The following WWOX variants were observed in gnomAD, a reference collection of about 807,000 sequenced individuals.
WWOX encodes the protein WW domain containing oxidoreductase.
In WWOX, 69 loss-of-function variants were observed where a neutral mutation model predicts 46.2. The ratio of observed to expected loss-of-function variants is 1.49; its 90% CI spans 1.23 to 1.82. WWOX has a LOEUF of 1.82. WWOX is among the 40% of genes most tolerant of loss of function. WWOX has a pLI of 0.00. For missense variants in WWOX, 919 were observed against 542.6 expected, an observed-to-expected ratio of 1.69 and a Z score of -6.89; for synonymous variants, 359 against 202.6, an observed-to-expected ratio of 1.77 and a Z score of -6.56.
chr16:78,665,511 C>G (rs1280629895), intron 8 of WWOX, among the ~76,000 whole-genome samples: 1 of 152,026 alleles, frequency 6.6e-6, no homozygotes, highest in African/African-American at 2.4e-5. Context: ...AGACGTGTGT[C>G]TCCTTGAGGC....
intron 8 of WWOX, among the ~76,000 whole-genome samples, chr16:78,865,821 A>G (rs1325557681): frequency 6.6e-6 from 1 of 152,310 alleles, no homozygotes; most frequent in East Asian, 1.9e-4. Context: ...CAGAGTTTGC[A>G]GTGAGCCAGA....
intron 8 of WWOX, among the ~76,000 whole-genome samples, chr16:78,599,939 T>TG (rs929893916): frequency 6.6e-6 from 1 of 152,158 alleles, no homozygotes; most frequent in African/African-American, 2.4e-5. Context: ...GTTTCCTTGC[T>TG]GTTGATAAAC....
intron 8 of WWOX, among the ~76,000 whole-genome samples, chr16:78,536,370 C>T (rs543040134): frequency 1.3e-5 from 2 of 151,852 alleles, no homozygotes; most frequent in South Asian, 4.2e-4. Flanking sequence ...AAAGAAGCTG[C>T]GAGCTGTGGG....
At chr16:79,080,503 C>T (rs2048740940) in intron 8 of WWOX, among the ~76,000 whole-genome samples, 1 of 152,224 alleles carries the variant, frequency 6.6e-6, no homozygotes, top group African/African-American at 2.4e-5. Context: ...CTCCTCTTTG[C>T]ACGTTGCAGA....
At chr16:78,909,452 A>C (rs532514175) in intron 8 of WWOX, among the ~76,000 whole-genome samples, 2 of 152,204 alleles carry the variant, frequency 1.3e-5, no homozygotes, top group African/African-American at 4.8e-5. Flanking sequence ...ATGCTATTAC[A>C]CAAGTGTCAA....
chr16:78,619,460 C>T (rs184583115), intron 8 of WWOX, among the ~76,000 whole-genome samples: 10 of 150,798 alleles, frequency 6.6e-5, no homozygotes, highest in Admixed American at 1.3e-4. Context: ...ATGGGTGACC[C>T]GCACCCACAT....
intron 8 of WWOX, among the ~76,000 whole-genome samples, chr16:78,851,261 G>C (rs1346077370): frequency 6.6e-6 from 1 of 152,118 alleles, no homozygotes; most frequent in Non-Finnish European, 1.5e-5. Context: ...TGTAAACCCA[G>C]GGTCATAAAC....
At chr16:78,715,176 A>C (rs796871508) in intron 8 of WWOX, among the ~76,000 whole-genome samples, 22 of 152,320 alleles carry the variant, frequency 1.4e-4, no homozygotes, top group African/African-American at 5.3e-4. Flanking sequence ...GATCAGTTAG[A>C]AGATTTATCA....
In WWOX at chr16:79,128,339, T is replaced by TA. The variant is rs5818202; in HGVS notation, c.1057-83259dup. On this transcript the variant is annotated intron_variant, in intron 8 of 8. Coordinates refer to ENST00000566780, the MANE Select transcript of WWOX (RefSeq NM_016373.4). Reference sequence around the variant, plus strand: ...ACAACGTCCCCTAATAGCTAAGAGTTAAAAAAAAAATAGGTCTTAGAAGTG... The same window carrying TA: ...ACAACGTCCCCTAATAGCTAAGAGTTAAAAAAAAAAATAGGTCTTAGAAGTG... Among the ~76,000 whole-genome samples the TA allele has an allele frequency of 5.4e-4, 80 of 148,188 alleles. 1 individual carries two copies. The highest frequency in any genetic ancestry group is 2.2e-3 in the East Asian group (11 of 4,966).
At chr16:78,494,353 G>A (rs757716806) in intron 8 of WWOX, among the ~76,000 whole-genome samples, 5 of 152,118 alleles carry the variant, frequency 3.3e-5, no homozygotes, top group Non-Finnish European at 5.9e-5. Flanking sequence ...ACGTGGGTGG[G>A]GACACAGAGC....
At chr16:78,888,932 T>A (rs970026887) in intron 8 of WWOX, among the ~76,000 whole-genome samples, 1 of 150,798 alleles carries the variant, frequency 6.6e-6, no homozygotes, top group South Asian at 2.1e-4. Context: ...TTCTCCTTTT[T>A]CCCCAAGCCC....
rs1417404886 is a variant in WWOX, at chr16:78,717,930, C to CT, written c.1056+285180dup. 2.0e-5 allele frequency among the ~76,000 whole-genome samples: 3 copies of CT among 152,102 alleles called. No homozygotes were observed. In the East Asian group the frequency reaches 5.8e-4, roughly 29 times the overall value. On this transcript the variant is annotated intron_variant, in intron 8 of 8. Transcript: ENST00000566780. ...ACATAGTGGACCCAACACCAAGTGT[C>CT]TTATTGTAAATGGATCCACTTTTAC...
chr16:78,610,632 G>T (rs1385486787), intron 8 of WWOX, among the ~76,000 whole-genome samples: 1 of 151,954 alleles, frequency 6.6e-6, no homozygotes, highest in Non-Finnish European at 1.5e-5. Flanking sequence ...TATATCTGTT[G>T]CCCCTTCTCC....
chr16:79,097,803 G>T (rs1055618865), intron 8 of WWOX, among the ~76,000 whole-genome samples: 1 of 152,196 alleles, frequency 6.6e-6, no homozygotes, highest in Non-Finnish European at 1.5e-5. Flanking sequence ...GAACTGAGGA[G>T]ATTCAAGCCT....
At chr16:78,861,693 G>A (rs1252377340) in intron 8 of WWOX, among the ~76,000 whole-genome samples, 1 of 152,150 alleles carries the variant, frequency 6.6e-6, no homozygotes, top group Non-Finnish European at 1.5e-5. Flanking sequence ...TATTATAAAT[G>A]TCATCTTTCA....
At chr16:78,184,450 A>G (rs2035631874) in intron 5 of WWOX, among the ~76,000 whole-genome samples, 1 of 152,130 alleles carries the variant, frequency 6.6e-6, no homozygotes, top group Non-Finnish European at 1.5e-5. Flanking sequence ...ACTGACAATC[A>G]TAAGCGTTTT....
chr16:78,895,869 A>T (rs935546451), intron 8 of WWOX: 6 of 152,218 alleles, frequency 3.9e-5, no homozygotes, highest in Non-Finnish European at 5.9e-5. Flanking sequence ...AAGCTGATAC[A>T]GTTCATGAAA....
intron 4 of WWOX, among the ~76,000 whole-genome samples, chr16:78,118,145 T>C (rs953286176): frequency 1.3e-5 from 2 of 151,926 alleles, no homozygotes; most frequent in Non-Finnish European, 2.9e-5. Flanking sequence ...TTGATAGACT[T>C]TAGGGTTGCA....
chr16:79,010,899 G>T (rs1002527955), intron 8 of WWOX, among the ~76,000 whole-genome samples: 1 of 152,022 alleles, frequency 6.6e-6, no homozygotes, highest in African/African-American at 2.4e-5. Context: ...GGGCAGACGG[G>T]GTCATGTTGT....
Sources: gnomAD v4.1 joint callset for allele counts (sites outside exome capture counted in the v4.1 genomes callset) on GRCh38, gnomAD v4.1.1 for gene constraint, MANE v1.5 for transcripts, NCBI Gene and HGNC (gene_info 2026-07-23, HGNC 2026-07-21) for gene names.